The following CADPS variants were observed in gnomAD, a reference collection of about 807,000 sequenced individuals.
CADPS encodes the protein calcium dependent secretion activator, also known as calcium-dependent secretion activator 1.
A neutral mutation model predicts 167.3 loss-of-function variants in CADPS; 57 were observed. The ratio of observed to expected loss-of-function variants is 0.34; its 90% CI spans 0.28 to 0.42. The LOEUF (loss-of-function observed/expected upper bound fraction) is 0.42, where lower values mean the gene tolerates loss of function less well. Among genes scored for constraint, CADPS ranks in the 20% least tolerant of loss-of-function variants. The probability of loss-of-function intolerance (pLI) is 1.00; values close to 1 mark genes in which losing one functional copy is unlikely to be tolerated. For synonymous variants in CADPS, 676 were observed against 635.3 expected, an observed-to-expected ratio of 1.06 and a Z score of -0.96; for missense variants, 1,414 against 1,738.1, an observed-to-expected ratio of 0.81 and a Z score of 3.32.
intron 26 of CADPS, among the ~76,000 whole-genome samples, chr3:62,464,857 G>A (rs966188555): frequency 1.3e-5 from 2 of 151,970 alleles, no homozygotes; most frequent in African/African-American, 4.8e-5. Context: ...CACCTAGAAT[G>A]CTATGCAGGC....
At chr3:62,708,415 A>G (rs1036475243) in intron 3 of CADPS, among the ~76,000 whole-genome samples, 1 of 152,048 alleles carries the variant, frequency 6.6e-6, no homozygotes, top group African/African-American at 2.4e-5. Flanking sequence ...CAAACCCTTA[A>G]TTTTTATGAT....
chr3:62,477,855 T>C lies in CADPS; in HGVS notation c.3329+406A>G, dbSNP rs545074814. ...AAAACCATTAGATTTCTGCTAGCCA[T>C]ACTGGATACGCCAGCTCCAGAATTG... On this transcript the variant is annotated intron_variant, in intron 23 of 29. Coordinates refer to ENST00000383710, the MANE Select transcript of CADPS (RefSeq NM_003716.4). 1.1e-4 allele frequency among the ~76,000 whole-genome samples: 16 copies of C among 152,352 alleles called. No individual in the cohort carries two copies. In the South Asian group the frequency reaches 2.1e-3, roughly 20 times the overall value.
At position 62,511,685 on chromosome 3, in the gene CADPS, G is replaced by A. The variant is rs146180184; in HGVS notation, c.2599+1066C>T. ...GATGCAGTTCAATCCTTACCATCTC[G>A]TGAAGACTTCCATGGTTTTCTGACA... On this transcript the variant is annotated intron_variant, in intron 17 of 29. Coordinates refer to ENST00000383710, the MANE Select transcript of CADPS (RefSeq NM_003716.4). 2.5e-3 allele frequency among the ~76,000 whole-genome samples: 387 copies of A among 151,950 alleles called. 2 individuals are homozygous for A. The highest frequency in any genetic ancestry group is 8.2e-3 in the African/African-American group (341 of 41,454).
rs1470219580 is a variant in CADPS, at chr3:62,421,292, G to C, written c.3777+16812C>G. On this transcript the variant is annotated intron_variant, in intron 28 of 29. Coordinates refer to ENST00000383710, the MANE Select transcript of CADPS (RefSeq NM_003716.4). The surrounding 1 kb of genome is among the most constrained non-coding windows in gnomAD (Gnocchi z 4.7). ...CAGAATAAGAAATTAAACACTTGTG[G>C]GTTCATTCGAAAGAGTGAATGAAAT... Among the ~76,000 whole-genome samples the C allele has an allele frequency of 6.6e-6, 1 of 151,706 alleles. No homozygotes were observed. Among genetic ancestry groups the C allele is most frequent in the African/African-American group, 2.4e-5 (1 of 41,252 alleles).
At chr3:62,445,654 A>G (rs2057084333) in intron 27 of CADPS, 111 bp downstream of exon 27, 1 of 668,676 alleles carries the variant, frequency 1.5e-6, no homozygotes, top group East Asian at 3.2e-5. Flanking sequence ...CAGTTTAGCT[A>G]GCAGCAATTA....
intron 1 of CADPS, among the ~76,000 whole-genome samples, chr3:62,806,543 A>C (rs1175673504): frequency 6.6e-6 from 1 of 152,158 alleles, no homozygotes; most frequent in East Asian, 1.9e-4. Context: ...ATAAATAAAA[A>C]GAAACAGGGC....
intron 3 of CADPS, among the ~76,000 whole-genome samples, chr3:62,739,379 C>T (rs1391927306): frequency 1.3e-5 from 2 of 152,180 alleles, no homozygotes; most frequent in Non-Finnish European, 2.9e-5. Context: ...AACTACCCAG[C>T]TCATGTATAG....
intron 3 of CADPS, among the ~76,000 whole-genome samples, chr3:62,701,068 C>A (rs1180325744): frequency 6.6e-6 from 1 of 152,024 alleles, no homozygotes; most frequent in Non-Finnish European, 1.5e-5. Flanking sequence ...TTCATGAGGG[C>A]TCTATTCTTA....
chr3:62,776,025 T>G (rs1293127577), intron 1 of CADPS, among the ~76,000 whole-genome samples: 1 of 152,194 alleles, frequency 6.6e-6, no homozygotes, highest in Non-Finnish European at 1.5e-5. Context: ...GCATCATTAT[T>G]GATAATGTTA....
chr3:62,544,766 T>G lies in CADPS; in HGVS notation c.1966+5137A>C, dbSNP rs958797104. On this transcript the variant is annotated intron_variant, in intron 11 of 29. Transcript: ENST00000383710. This position sits in a 1 kb window ranked among gnomAD's most constrained non-coding sequence, Gnocchi z 4.4. ...ACAAATTCTAGACATGAGGAAGATT[T>G]AAGGGGGAGGGAAGCACATTGCAGG... is the stretch of plus-strand genomic sequence containing the variant. 19 of 646,754 alleles carry G rather than the reference T, an allele frequency of 2.9e-5. No individual in the cohort carries two copies. In the Middle Eastern group the frequency reaches 1.7e-3, roughly 58 times the overall value. The allele number at this position is 646,754 out of a possible 1,614,324, so 40.1% of individuals were successfully genotyped here.
At chr3:62,624,396 T>C (rs1013664781) in intron 6 of CADPS, among the ~76,000 whole-genome samples, 16 of 152,100 alleles carry the variant, frequency 1.1e-4, no homozygotes, top group Admixed American at 9.2e-4. Flanking sequence ...AGACCATCCA[T>C]ATGTTTCAGA....
intron 3 of CADPS, among the ~76,000 whole-genome samples, chr3:62,690,782 A>G (rs889854784): frequency 3.3e-5 from 5 of 151,980 alleles, no homozygotes; most frequent in African/African-American, 9.7e-5. Context: ...ATCCACCTGT[A>G]CACAAAGGAA....
rs557043189 is a variant in CADPS at position 62,648,551 on chromosome 3, G to A, written c.1203+2296C>T. Among the ~76,000 whole-genome samples, 128 of 151,908 alleles carry A rather than the reference G, an allele frequency of 8.4e-4. 2 individuals are homozygous for A. Among genetic ancestry groups the A allele is most frequent in the African/African-American group, 2.9e-3 (121 of 41,442 alleles). ...ACAAAGATTAGCTGGGTTTGGTGGT[G>A]TGCACCTGTAGTCCCAGCTACTTGG... On this transcript the variant is annotated intron_variant, in intron 5 of 29. Coordinates refer to ENST00000383710, the MANE Select transcript of CADPS (RefSeq NM_003716.4).
chr3:62,823,404 T>A (rs192130905), intron 1 of CADPS, among the ~76,000 whole-genome samples: 2 of 152,204 alleles, frequency 1.3e-5, no homozygotes, highest in East Asian at 1.9e-4. Flanking sequence ...TTCCAAAGTT[T>A]TTCCTCATTG....
intron 20 of CADPS, 126 bp from the exon 21 acceptor site, chr3:62,491,606 A>G: frequency 1.3e-6 from 1 of 775,330 alleles, no homozygotes; most frequent in Non-Finnish European, 2.0e-6. Flanking sequence ...TGTCTTCTAC[A>G]TTAAATATAC....
chr3:62,686,395 G>A (rs955273414), intron 3 of CADPS, among the ~76,000 whole-genome samples: 3 of 151,972 alleles, frequency 2.0e-5, no homozygotes, highest in African/African-American at 7.3e-5. Context: ...TGACATCAGT[G>A]GACAGAAAGG....
chr3:62,799,202 G>A (rs763606420), intron 1 of CADPS, among the ~76,000 whole-genome samples: 40 of 152,122 alleles, frequency 2.6e-4, no homozygotes, highest in Non-Finnish European at 5.3e-4. Flanking sequence ...TGGGTGCTCT[G>A]AGGAACTGTG....
At chr3:62,872,851 A>G (rs1330329935) in intron 1 of CADPS, among the ~76,000 whole-genome samples, 1 of 152,154 alleles carries the variant, frequency 6.6e-6, no homozygotes, top group Non-Finnish European at 1.5e-5. Context: ...CACAGTTTTC[A>G]TTGTCAAAGG....
At chr3:62,445,946 G>T in intron 26 of CADPS, 149 bp from the exon 27 acceptor site, 3 of 491,680 alleles carry the variant, frequency 6.1e-6, no homozygotes, top group Non-Finnish European at 6.9e-6. Flanking sequence ...AATAAAATCT[G>T]TTTGCTATTT....
Sources: gnomAD v4.1 joint callset for allele counts (sites outside exome capture counted in the v4.1 genomes callset) on GRCh38, gnomAD v4.1.1 for gene constraint, Gnocchi (gnomAD v3.1) non-coding constraint, MANE v1.5 for transcripts, NCBI Gene and HGNC (gene_info 2026-07-23, HGNC 2026-07-21) for gene names.